The following SLC4A4 variants were observed in gnomAD, a reference collection of about 807,000 sequenced individuals.
The protein encoded by SLC4A4 is electrogenic sodium bicarbonate cotransporter 1.
SLC4A4 carries 27 observed loss-of-function variants against 111.5 expected under a neutral mutation model. That is an observed-to-expected ratio of 0.24 (90% confidence interval 0.18 to 0.33). The LOEUF is 0.33. Ranked by LOEUF, SLC4A4 falls within the 10% of genes least tolerant of loss-of-function variation. The pLI is 1.00. For missense variants in SLC4A4, 909 were observed against 1,315.5 expected, an observed-to-expected ratio of 0.69 and a Z score of 4.78; for synonymous variants, 443 against 463.4, an observed-to-expected ratio of 0.96 and a Z score of 0.57.
At chr4:71,233,008 G>T (rs955414834) in intron 1 of SLC4A4, among the ~76,000 whole-genome samples, 3 of 152,204 alleles carry the variant, frequency 2.0e-5, no homozygotes, top group African/African-American at 7.2e-5. Context: ...GGATTTTGTT[G>T]TGCTTCTGAG....
At chr4:71,191,223 A>C (rs1424051511) in intron 1 of SLC4A4, among the ~76,000 whole-genome samples, 5 of 152,250 alleles carry the variant, frequency 3.3e-5, no homozygotes, top group Non-Finnish European at 7.3e-5. Context: ...TGGGCTTATC[A>C]GGACATAACC....
intron 1 of SLC4A4, among the ~76,000 whole-genome samples, chr4:71,202,269 A>G (rs1361483786): frequency 6.6e-6 from 1 of 152,226 alleles, no homozygotes; most frequent in African/African-American, 2.4e-5. Context: ...ATTCAAAGTA[A>G]TGTTCTCATG....
chr4:71,418,782 T>G (rs899925695), intron 7 of SLC4A4, among the ~76,000 whole-genome samples: 56 of 152,194 alleles, frequency 3.7e-4, no homozygotes, highest in African/African-American at 1.4e-3. Context: ...ACAGAAAAAT[T>G]TAAAGGTACT....
At chr4:71,410,434 C>T (rs1721268613) in intron 7 of SLC4A4, among the ~76,000 whole-genome samples, 1 of 152,092 alleles carries the variant, frequency 6.6e-6, no homozygotes, top group Non-Finnish European at 1.5e-5. Flanking sequence ...AATTTGACAC[C>T]CCCACTGGAT....
At chr4:71,484,578 G>C (rs768517102) in intron 14 of SLC4A4, among the ~76,000 whole-genome samples, 2 of 151,832 alleles carry the variant, frequency 1.3e-5, no homozygotes, top group African/African-American at 4.8e-5. Flanking sequence ...GAGCCAGGTA[G>C]TATAGTTTGA....
At chr4:71,349,242 T>C (rs1187808678) in intron 4 of SLC4A4, among the ~76,000 whole-genome samples, 1 of 152,246 alleles carries the variant, frequency 6.6e-6, no homozygotes, top group African/African-American at 2.4e-5. Context: ...GAATAATCTG[T>C]TGTTCACCGA....
rs1266369867 is a variant in SLC4A4 at position 71,422,532 on chromosome 4, C to T, written c.808-18084C>T. On this transcript the variant is annotated intron_variant, in intron 7 of 25. Transcript: ENST00000264485. Reference sequence around the variant, plus strand: ...TACCAAAGTTGGGCAGAGACACAACCAAAAAAGAGAATTTTAGACCAATAT... The same window carrying T: ...TACCAAAGTTGGGCAGAGACACAACTAAAAAAGAGAATTTTAGACCAATAT... 2.6e-5 allele frequency among the ~76,000 whole-genome samples: 4 copies of T among 151,782 alleles called. No individual in the cohort carries two copies. In the East Asian group the frequency reaches 7.7e-4, roughly 29 times the overall value.
At chr4:71,353,046 A>T (rs1418216359) in intron 5 of SLC4A4, among the ~76,000 whole-genome samples, 5 of 152,216 alleles carry the variant, frequency 3.3e-5, no homozygotes. Context: ...TTCATGTTGT[A>T]GAAGAGAGAG....
At chr4:71,332,684 G>T (rs375616637) in intron 3 of SLC4A4, among the ~76,000 whole-genome samples, 11 of 151,974 alleles carry the variant, frequency 7.2e-5, no homozygotes, top group African/African-American at 1.7e-4. Context: ...CGCCCGCCTC[G>T]GCCTCCCAAA....
chr4:71,267,169 C>T (rs984818093), intron 3 of SLC4A4, among the ~76,000 whole-genome samples: 1 of 152,116 alleles, frequency 6.6e-6, no homozygotes, highest in African/African-American at 2.4e-5. Flanking sequence ...TGGAGAGACA[C>T]TAACTAATCA....
chr4:71,428,521 G>A (rs1245421263), intron 7 of SLC4A4, among the ~76,000 whole-genome samples: 1 of 152,044 alleles, frequency 6.6e-6, no homozygotes, highest in Non-Finnish European at 1.5e-5. Flanking sequence ...TTCTGCAATG[G>A]AAGGTCGTGG....
chr4:71,148,894 T>A lies in SLC4A4; in HGVS notation c.-2+56102T>A, dbSNP rs1471001028. 2.0e-5 allele frequency among the ~76,000 whole-genome samples: 3 copies of A among 152,326 alleles called. No individual in the cohort carries two copies. In the East Asian group the frequency reaches 5.8e-4, roughly 29 times the overall value. The stretch of plus-strand genomic sequence containing the variant: ...TATAATAGAGTGATTTATCTTTCTC[T>A]GCATATATACCTAGTAAGGGGATTG... On this transcript the variant is annotated intron_variant, in intron 2 of 26. Transcript: ENST00000649996.
chr4:71,428,565 A>C (rs1723356629), intron 7 of SLC4A4, among the ~76,000 whole-genome samples: 1 of 152,038 alleles, frequency 6.6e-6, no homozygotes, highest in Non-Finnish European at 1.5e-5. Context: ...TGAGCTTACC[A>C]CATGAGTTTG....
At chr4:71,126,734 G>A (rs1743572455) in intron 2 of SLC4A4, among the ~76,000 whole-genome samples, 1 of 152,180 alleles carries the variant, frequency 6.6e-6, no homozygotes, top group Admixed American at 6.5e-5. Context: ...AATTTCTAGT[G>A]AGAAACAAAT....
intron 2 of SLC4A4, among the ~76,000 whole-genome samples, chr4:71,140,045 C>T (rs1168867321): frequency 6.6e-6 from 1 of 152,204 alleles, no homozygotes; most frequent in Non-Finnish European, 1.5e-5. Flanking sequence ...CTCTTTCCAG[C>T]TTCTCCCTTT....
At chr4:71,190,010 G>A (rs1745657073) in intron 1 of SLC4A4, among the ~76,000 whole-genome samples, 1 of 152,172 alleles carries the variant, frequency 6.6e-6, no homozygotes, top group Admixed American at 6.5e-5. Flanking sequence ...CTCAGTTGAT[G>A]CTGTTTCCAA....
chr4:71,503,674 T>G (rs1218254925), intron 16 of SLC4A4, among the ~76,000 whole-genome samples: 1 of 152,174 alleles, frequency 6.6e-6, no homozygotes, highest in Non-Finnish European at 1.5e-5. Flanking sequence ...CTTTTCTTGT[T>G]TTCGACCATT....
intron 1 of SLC4A4, among the ~76,000 whole-genome samples, chr4:71,066,228 G>T (rs1432735145): frequency 6.6e-6 from 1 of 152,148 alleles, no homozygotes; most frequent in Non-Finnish European, 1.5e-5. Context: ...ATTTGAACCA[G>T]GATCTCTCTG....
At chr4:71,124,508 A>T (rs1461482114) in intron 2 of SLC4A4, among the ~76,000 whole-genome samples, 1 of 152,124 alleles carries the variant, frequency 6.6e-6, no homozygotes, top group African/African-American at 2.4e-5. Flanking sequence ...AAGTGTTGTA[A>T]ATTTTGTACA....
Sources: allele counts gnomAD v4.1 joint callset (sites outside exome capture counted in the v4.1 genomes callset), GRCh38; gene constraint gnomAD v4.1.1; transcripts MANE v1.5; gene names NCBI Gene and HGNC (gene_info 2026-07-23, HGNC 2026-07-21).